PELI3: variants seen among roughly 807,000 people sequenced by gnomAD.
The protein encoded by PELI3 is E3 ubiquitin-protein ligase pellino homolog 3.
Under a neutral mutation model 35.5 loss-of-function variants are expected in PELI3, and 19 were observed. The ratio of observed to expected loss-of-function variants is 0.54; its 90% CI spans 0.37 to 0.79. The LOEUF (loss-of-function observed/expected upper bound fraction) is 0.79. Ranked by LOEUF, PELI3 falls within the 30% of genes least tolerant of loss-of-function variation. The probability of loss-of-function intolerance (pLI) is 0.00; values close to 1 mark genes in which losing one functional copy is unlikely to be tolerated. For missense variants in PELI3, 490 were observed against 661.2 expected (o/e 0.74, Z 2.84); for synonymous variants, 262 against 279.2 (o/e 0.94, Z 0.62).
At chr11:66,466,600 G>C (rs949643941), upstream of PELI3, 5 of 152,412 alleles carry the variant, frequency 3.3e-5, no homozygotes, top group African/African-American at 1.2e-4. Flanking sequence ...GCGGAGTTTG[G>C]GGAGTCTGAA....
intron 3 of PELI3, among the ~76,000 whole-genome samples, chr11:66,469,798 T>TTTTTG (rs1248922584): frequency 7.0e-6 from 1 of 143,220 alleles, no homozygotes; most frequent in Non-Finnish European, 1.5e-5. Flanking sequence ...TCTGTTTTTT[T>TTTTTG]TTTTTGTTTT....
chr11:66,468,030 T>C, intron 1 of PELI3, 98 bp from the exon 2 acceptor site: 2 of 1,429,172 alleles, frequency 1.4e-6, no homozygotes, highest in South Asian at 1.4e-5. Context: ...AAGGTCACCC[T>C]TGCCTTAGCC....
rs999987385 is a variant in PELI3, at chr11:66,475,735, T to C, written c.978T>C (p.Asn326=). Residue 326 remains asparagine, a synonymous_variant, in exon 8 of 8, where the codon AAT becomes AAC. Coordinates refer to ENST00000320740, the MANE Select transcript of PELI3 (RefSeq NM_145065.3). ...TGGAGGCCCAGCGGCAGGAGGCAAA[T>C]GCAGCGCGGCCCCAGTGCCCCGTGG... ...KQLEAQRQEA[N]AARPQCPVGL... 9.9e-6 allele frequency: 16 copies of C among 1,611,576 alleles called. No individual in the cohort carries two copies. Among genetic ancestry groups the C allele is most frequent in the Non-Finnish European group, 1.4e-5 (16 of 1,179,490 alleles).
chr11:66,472,606 G>A (rs914604114), intron 5 of PELI3, 136 bp downstream of exon 5: 3 of 687,192 alleles, frequency 4.4e-6, no homozygotes, highest in African/African-American at 3.6e-5. Context: ...GTCCCGGTGT[G>A]GGCTGTTGAC....
rs1854705232 is a variant in PELI3, at chr11:66,471,253, G to T, written c.236G>T (p.Cys79Phe). 4 of 1,613,112 alleles carry T rather than the reference G, an allele frequency of 2.5e-6. No individual in the cohort carries two copies. Among genetic ancestry groups the T allele is most frequent in the Non-Finnish European group, 3.4e-6 (4 of 1,179,342 alleles). Reference sequence around the variant, plus strand: ...CCCGACATCTACAGCTACAATGGTTGTCTGGCAAGTGGGGACAAGGGCCGC... The same window carrying T: ...CCCGACATCTACAGCTACAATGGTTTTCTGGCAAGTGGGGACAAGGGCCGC... ...GPRAHSCYNG[C>F]LASGDKGRRR... Residue 79 changes from cysteine to phenylalanine, a missense_variant, in exon 4 of 8, where the codon TGT (cysteine) becomes TTT (phenylalanine). By Grantham distance (205) the Cys-to-Phe change is radical. Coordinates refer to ENST00000320740, the MANE Select transcript of PELI3 (RefSeq NM_145065.3).
At position 66,476,151 on chromosome 11, in the gene PELI3, A is replaced by G; in HGVS notation, c.1394A>G (p.Gln465Arg). ...GEHGCVRLIF[Q>R]GPLD ...CATGGCTGCGTCCGCCTCATTTTCC[A>G]GGGCCCGCTGGATTAGGCTCCCTGG... Residue 465 changes from glutamine to arginine, a missense_variant, in exon 8 of 8, where the codon CAG (glutamine) becomes CGG (arginine). Physicochemically the swap from Gln to Arg is conservative, Grantham distance 43. Transcript: ENST00000320740. The G allele has an allele frequency of 6.4e-7, 1 of 1,556,900 alleles. No individual in the cohort carries two copies. Among genetic ancestry groups the G allele is most frequent in the South Asian group, 1.2e-5 (1 of 86,442 alleles).
intron 7 of PELI3, among the ~76,000 whole-genome samples, chr11:66,475,320 G>A (rs540765779): frequency 1.3e-5 from 2 of 152,350 alleles, no homozygotes; most frequent in Non-Finnish European, 2.9e-5. Flanking sequence ...GTCAGGAGGA[G>A]GGCACTTCAG....
At chr11:66,474,919 T>C in intron 7 of PELI3, 1 of 152,126 alleles carries the variant, frequency 6.6e-6, no homozygotes, top group Non-Finnish European at 1.5e-5. Flanking sequence ...TTAGTAGAGA[T>C]GGGGTTTCAC....
rs200937664 is a variant in PELI3, at chr11:66,475,640, G to C, written c.883G>C (p.Asp295His). 4 of 1,612,556 alleles carry C rather than the reference G, an allele frequency of 2.5e-6. No homozygotes were observed. The highest frequency in any genetic ancestry group is 3.4e-6 in the Non-Finnish European group (4 of 1,179,904). ...CGTGCTGCAGGACGGCTCTCTCATC[G>C]ACCTGTGTGGGGCCACACTGCTGTG... ...SNVLQDGSLI[D>H]LCGATLLWRT... The change falls in exon 8 of 8, where the codon GAC (aspartate) becomes CAC (histidine). Residue 295 changes from aspartate (D) to histidine (H), a missense_variant. Physicochemically the swap from Asp to His is moderately conservative, Grantham distance 81. Around this residue, in one of 3 missense-constraint regions of PELI3, gnomAD observed 349 missense variants for 484.8 expected, o/e 0.72. Coordinates refer to ENST00000320740, the MANE Select transcript of PELI3 (RefSeq NM_145065.3).
chr11:66,469,791 G>GTTTT (rs34461329), intron 3 of PELI3, among the ~76,000 whole-genome samples: 1,293 of 124,406 alleles, frequency 0.01, 123 homozygotes, highest in African/African-American at 0.032. Context: ...CAGGGAATCT[G>GTTTT]TTTTTTTTTT....
chr11:66,468,783 C>T (rs749124187), intron 2 of PELI3, 50 bp from the exon 3 acceptor site: 3 of 770,914 alleles, frequency 3.9e-6, no homozygotes, highest in African/African-American at 3.4e-5. Flanking sequence ...GGGAGGCAGG[C>T]CTGTGCCAAG....
In PELI3 at chr11:66,467,969, A is replaced by G. The variant is rs1766571588; in HGVS notation, c.-1-159A>G. On this transcript the variant is annotated intron_variant, in intron 1 of 7. Coordinates refer to ENST00000320740, the MANE Select transcript of PELI3 (RefSeq NM_145065.3). The surrounding 1 kb of genome is among the most constrained non-coding windows in gnomAD (Gnocchi z 4.2). Reference sequence around the variant, plus strand: ...CCCTGGTATCCCAGCAACCTCGGGCAGTTTAGAGGAGGCAGAGGGGAAGTG... The same window carrying G: ...CCCTGGTATCCCAGCAACCTCGGGCGGTTTAGAGGAGGCAGAGGGGAAGTG... Among the ~76,000 whole-genome samples the G allele has an allele frequency of 6.6e-6, 1 of 152,216 alleles. No individual in the cohort carries two copies. Among genetic ancestry groups the G allele is most frequent in the Admixed American group, 6.5e-5 (1 of 15,292 alleles).
chr11:66,468,186 CGGGGGAACAA>C lies in PELI3; in HGVS notation c.62_71del (p.Gly21AlafsTer44). On this transcript the variant is annotated frameshift_variant, in exon 2 of 8. Coordinates refer to ENST00000320740, the MANE Select transcript of PELI3 (RefSeq NM_145065.3). LOFTEE classifies it high-confidence loss of function. The stretch of plus-strand genomic sequence containing the variant: ...CCCCCGAACCTCAGACCTCCAGCAC[CGGGGGAACAA>C]GGGCTCTTGCGTTCTCTCCTCTCCC... 1 of 1,607,710 alleles carries C rather than the reference CGGGGGAACAA, an allele frequency of 6.2e-7. No homozygotes were observed. The highest frequency in any genetic ancestry group is 8.5e-7 in the Non-Finnish European group (1 of 1,176,640).
chr11:66,473,715 C>G lies in PELI3; in HGVS notation c.652-22C>G, dbSNP rs367723436. 2.0e-5 allele frequency: 33 copies of G among 1,612,162 alleles called. No individual in the cohort carries two copies. Among genetic ancestry groups the G allele is most frequent in the Non-Finnish European group, 2.6e-5 (31 of 1,179,540 alleles). On this transcript the variant is annotated intron_variant, in intron 6 of 7. Coordinates refer to ENST00000320740, the MANE Select transcript of PELI3 (RefSeq NM_145065.3). The surrounding 1 kb of genome is among the most constrained non-coding windows in gnomAD (Gnocchi z 5.8). ...CTGGGGGGCCCCTGGGGGATGTGATCTGATCCCTCATGTGGTCCCAGGAGC... is the reference window on the plus strand; with the variant it reads ...CTGGGGGGCCCCTGGGGGATGTGATGTGATCCCTCATGTGGTCCCAGGAGC...
rs1368421870 is a variant in PELI3 at position 66,472,407 on chromosome 11, A to G, written c.393A>G (p.Thr131=). The G allele has an allele frequency of 2.5e-6, 4 of 1,613,914 alleles. No homozygotes were observed. The South Asian group carries it at 4.4e-5, about 18-fold the overall frequency. ...GTGGTCAGCACAGCATCTCGTATAC[A>G]CTGTCCCGGAGCCACTCGGTCATAG... ...SNRGQHSISY[T]LSRSHSVIVE... Residue 131 remains threonine, a synonymous_variant, in exon 5 of 8, where the codon ACA becomes ACG. Coordinates refer to ENST00000320740, the MANE Select transcript of PELI3 (RefSeq NM_145065.3).
At position 66,476,123 on chromosome 11, in the gene PELI3, G is replaced by T; in HGVS notation, c.1366G>T (p.Glu456Ter). The T allele has an allele frequency of 6.3e-7, 1 of 1,584,294 alleles. No individual in the cohort carries two copies. ...CTTTTGCGGGGCCTGGCTTACCGGCGAGCATGGCTGCGTCCGCCTCATTTT... is the reference window on the plus strand; with the variant it reads ...CTTTTGCGGGGCCTGGCTTACCGGCTAGCATGGCTGCGTCCGCCTCATTTT... ...CPFCGAWLTG[E>*]HGCVRLIFQG... The change falls in exon 8 of 8, where the codon GAG becomes TAG. Residue 456 changes from glutamate (E) to a stop codon, truncating the protein, a stop_gained. Transcript: ENST00000320740. LOFTEE classifies it high-confidence loss of function.
Position 66,476,015 on chromosome 11 carries a change from C to T in PELI3, c.1258C>T (p.His420Tyr). 1 of 1,612,228 alleles carries T rather than the reference C, an allele frequency of 6.2e-7. No individual in the cohort carries two copies. The highest frequency in any genetic ancestry group is 8.5e-7 in the Non-Finnish European group (1 of 1,179,902). Residue 420 changes from histidine to tyrosine, a missense_variant, in exon 8 of 8, where the codon CAC becomes TAC. By Grantham distance (83) the His-to-Tyr change is moderately conservative (BLOSUM62 2). Around this residue, in one of 3 missense-constraint regions of PELI3, gnomAD observed 349 missense variants for 484.8 expected, o/e 0.72. Coordinates refer to ENST00000320740, the MANE Select transcript of PELI3 (RefSeq NM_145065.3). ...PPSHAFAPCGHVCSEKTARYW... is the reference protein window; with the variant it reads ...PPSHAFAPCGYVCSEKTARYW... Reference sequence around the variant, plus strand: ...TAGCCATGCCTTTGCACCTTGCGGCCACGTCTGCTCTGAGAAGACTGCCCG... The same window carrying T: ...TAGCCATGCCTTTGCACCTTGCGGCTACGTCTGCTCTGAGAAGACTGCCCG...
At position 66,476,411 on chromosome 11, in the gene PELI3, C is replaced by G. The variant is rs906961306; in HGVS notation, c.*244C>G. 39 of 562,454 alleles carry G rather than the reference C, an allele frequency of 6.9e-5. No individual in the cohort carries two copies. In the African/African-American group the frequency reaches 7.0e-4, roughly 10 times the overall value. 34.8% of individuals were successfully genotyped at this position (562,454 alleles called of 1,614,324 possible). A position where few individuals can be genotyped will look rare whatever the true frequency, so the allele number is the denominator to read the frequency against. Reference sequence around the variant, plus strand: ...TGTCCTGGGTCGATGGAGGAAAGCCCAGCCCCATGGCCTTGCCCTTCCTGG... The same window carrying G: ...TGTCCTGGGTCGATGGAGGAAAGCCGAGCCCCATGGCCTTGCCCTTCCTGG... On this transcript the variant is annotated 3_prime_UTR_variant, in exon 8 of 8. Coordinates refer to ENST00000320740, the MANE Select transcript of PELI3 (RefSeq NM_145065.3).
chr11:66,476,400 G>A lies in PELI3; in HGVS notation c.*233G>A, dbSNP rs1398362647. 2.6e-5 allele frequency: 15 copies of A among 572,024 alleles called. No homozygotes were observed. Among genetic ancestry groups the A allele is most frequent in the Non-Finnish European group, 4.0e-5 (13 of 324,250 alleles). The allele number at this position is 572,024 out of a possible 1,614,324, so 35.4% of individuals were successfully genotyped here. On this transcript the variant is annotated 3_prime_UTR_variant, in exon 8 of 8. Transcript: ENST00000320740. ...AGCACCAGCTCTGTCCTGGGTCGAT[G>A]GAGGAAAGCCCAGCCCCATGGCCTT... is the stretch of plus-strand genomic sequence containing the variant.
Sources: allele counts gnomAD v4.1 joint callset (sites outside exome capture counted in the v4.1 genomes callset), GRCh38; gene constraint gnomAD v4.1.1; regional missense constraint gnomAD v4.1.1; non-coding constraint Gnocchi (gnomAD v3.1); transcripts MANE v1.5; gene names NCBI Gene and HGNC (gene_info 2026-07-23, HGNC 2026-07-21).